The following SPIDR variants were observed in gnomAD, a reference collection of about 807,000 sequenced individuals.
SPIDR encodes scaffold protein involved in DNA repair.
Under a neutral mutation model 104.6 loss-of-function variants are expected in SPIDR, and 93 were observed. The observed-to-expected ratio is 0.89, with a 90% CI of 0.75 to 1.06. The LOEUF (loss-of-function observed/expected upper bound fraction) is 1.06. Ranked by LOEUF, SPIDR falls within the 50% of genes least tolerant of loss-of-function variation. SPIDR has a pLI of 0.00. For synonymous variants in SPIDR, 431 were observed against 416.9 expected, an observed-to-expected ratio of 1.03 and a Z score of -0.41; for missense variants, 1,154 against 1,111.2, an observed-to-expected ratio of 1.04 and a Z score of -0.55.
intron 10 of SPIDR, among the ~76,000 whole-genome samples, chr8:47,652,089 G>A (rs1393573681): frequency 2.0e-5 from 3 of 152,060 alleles, no homozygotes; most frequent in Non-Finnish European, 4.4e-5. Context: ...ACCAAAAATC[G>A]CTTGTACCCC....
intron 10 of SPIDR, among the ~76,000 whole-genome samples, chr8:47,669,728 A>T (rs2075538442): frequency 6.6e-6 from 1 of 152,200 alleles, no homozygotes; most frequent in African/African-American, 2.4e-5. Context: ...CAGGCCGGGC[A>T]CAGTGACTCA....
chr8:47,563,144 A>G (rs1189224393), intron 8 of SPIDR, among the ~76,000 whole-genome samples: 1 of 151,292 alleles, frequency 6.6e-6, no homozygotes, highest in Admixed American at 6.6e-5. Context: ...TGAGGGAGTG[A>G]GGGAGGCAGC....
chr8:47,470,398 C>G (rs939519747), intron 8 of SPIDR, among the ~76,000 whole-genome samples: 26 of 152,256 alleles, frequency 1.7e-4, no homozygotes, highest in African/African-American at 6.0e-4. Context: ...AAGCAATTCT[C>G]CTACCTCAGC....
chr8:47,501,189 G>T (rs1586758529), intron 8 of SPIDR, among the ~76,000 whole-genome samples: 2 of 152,294 alleles, frequency 1.3e-5, no homozygotes, highest in Non-Finnish European at 2.9e-5. Context: ...GAAAGTCATT[G>T]GTAGCTTGAT....
chr8:47,685,113 G>A (rs2077587530), intron 11 of SPIDR, among the ~76,000 whole-genome samples: 1 of 152,212 alleles, frequency 6.6e-6, no homozygotes, highest in Admixed American at 6.5e-5. Context: ...TTGGGAGGCT[G>A]AGGCCGGAGA....
intron 10 of SPIDR, among the ~76,000 whole-genome samples, chr8:47,658,544 C>CTGTTGT (rs10584346): frequency 0.083 from 12,339 of 148,478 alleles, 636 homozygotes; most frequent in East Asian, 0.12. Flanking sequence ...GGTTTTGTTA[C>CTGTTGT]TGTTGTTGTT....
At chr8:47,503,394 C>T (rs981135851) in intron 8 of SPIDR, among the ~76,000 whole-genome samples, 2 of 152,068 alleles carry the variant, frequency 1.3e-5, no homozygotes, top group Non-Finnish European at 2.9e-5. Flanking sequence ...TATGTAATGG[C>T]CTTCTTTGTC....
intron 16 of SPIDR, among the ~76,000 whole-genome samples, chr8:47,719,945 C>G (rs1405517943): frequency 1.3e-5 from 2 of 152,208 alleles, no homozygotes; most frequent in Non-Finnish European, 1.5e-5. Context: ...ATACCATGTA[C>G]TACCGTTACC....
In SPIDR at chr8:47,279,500, G is replaced by C. The variant is rs2037289909; in HGVS notation, c.34-362G>C. The stretch of plus-strand genomic sequence containing the variant: ...TCAGTTCTATCAGACACTGTTCTCA[G>C]ATCTGTTGCTTGCTTTGCTTCCTAG... On this transcript the variant is annotated intron_variant, in intron 1 of 19. Coordinates refer to ENST00000297423, the MANE Select transcript of SPIDR (RefSeq NM_001080394.4). 27 of 185,080 alleles carry C rather than the reference G, an allele frequency of 1.5e-4. No individual in the cohort carries two copies. The South Asian group carries it at 3.1e-3, about 21-fold the overall frequency. 11.5% of individuals were successfully genotyped at this position (185,080 alleles called of 1,614,324 possible).
In SPIDR at chr8:47,619,827, A is replaced by C. The variant is rs116455928; in HGVS notation, c.1544+20631A>C. ...AATGTCTTTAAGAGCAACTCTATTA[A>C]TATTAGTTACAAAATAATTTTAGCC... On this transcript the variant is annotated intron_variant, in intron 10 of 19. Coordinates refer to ENST00000297423, the MANE Select transcript of SPIDR (RefSeq NM_001080394.4). Among the ~76,000 whole-genome samples the C allele has an allele frequency of 2.8e-3, 432 of 152,150 alleles. 3 individuals carry two copies. Among genetic ancestry groups the C allele is most frequent in the African/African-American group, 9.6e-3 (398 of 41,500 alleles).
At chr8:47,643,119 C>T (rs1435804546) in intron 10 of SPIDR, among the ~76,000 whole-genome samples, 1 of 152,008 alleles carries the variant, frequency 6.6e-6, no homozygotes, top group Non-Finnish European at 1.5e-5. Flanking sequence ...ACATCTTATA[C>T]CTAGATAACT....
intron 7 of SPIDR, among the ~76,000 whole-genome samples, chr8:47,431,441 T>C (rs1554689225): frequency 6.6e-6 from 1 of 152,218 alleles, no homozygotes; most frequent in African/African-American, 2.4e-5. Context: ...CTTTGTATGC[T>C]TTATTCTCAC....
At chr8:47,645,122 G>A (rs1303295540) in intron 10 of SPIDR, among the ~76,000 whole-genome samples, 1 of 152,150 alleles carries the variant, frequency 6.6e-6, no homozygotes, top group Non-Finnish European at 1.5e-5. Context: ...TCCAATCTGT[G>A]CTTTGAAAAG....
At chr8:47,298,190 G>T (rs886336512) in intron 5 of SPIDR, among the ~76,000 whole-genome samples, 18 of 152,150 alleles carry the variant, frequency 1.2e-4, no homozygotes, top group African/African-American at 2.4e-5. Flanking sequence ...GTTTTGATTT[G>T]CATTTCTCTG....
intron 8 of SPIDR, among the ~76,000 whole-genome samples, chr8:47,553,753 G>A (rs913344563): frequency 1.3e-5 from 2 of 152,216 alleles, no homozygotes; most frequent in African/African-American, 4.8e-5. Flanking sequence ...CTCTCAGTTT[G>A]TCAAAGTCAT....
At chr8:47,421,424 C>T (rs1014497968) in intron 7 of SPIDR, among the ~76,000 whole-genome samples, 1 of 152,164 alleles carries the variant, frequency 6.6e-6, no homozygotes, top group Non-Finnish European at 1.5e-5. Flanking sequence ...CTTGTGGGTT[C>T]GTCCTGTCGT....
chr8:47,475,562 A>G (rs1400579817), intron 8 of SPIDR, among the ~76,000 whole-genome samples: 1 of 152,262 alleles, frequency 6.6e-6, no homozygotes, highest in African/African-American at 2.4e-5. Flanking sequence ...TATCACTTTG[A>G]TAATCTTTAG....
intron 1 of SPIDR, among the ~76,000 whole-genome samples, chr8:47,264,451 G>T (rs929545317): frequency 6.6e-6 from 1 of 152,008 alleles, no homozygotes; most frequent in Non-Finnish European, 1.5e-5. Flanking sequence ...AAAGGCTGGG[G>T]TATCTTAGTT....
intron 10 of SPIDR, among the ~76,000 whole-genome samples, chr8:47,616,781 C>A (rs1283998927): frequency 6.6e-6 from 1 of 152,192 alleles, no homozygotes; most frequent in Non-Finnish European, 1.5e-5. Context: ...ATTATTATGA[C>A]ACATACATAA....
Sources: gnomAD v4.1 joint callset for allele counts (sites outside exome capture counted in the v4.1 genomes callset) on GRCh38, gnomAD v4.1.1 for gene constraint, MANE v1.5 for transcripts, NCBI Gene and HGNC (gene_info 2026-07-23, HGNC 2026-07-21) for gene names.